The following PGBD5 variants were observed in gnomAD, a reference collection of about 807,000 sequenced individuals.
PGBD5 encodes piggyBac transposable element derived 5, also known as piggyBac transposable element-derived protein 5.
In PGBD5, 14 loss-of-function variants were observed where a neutral mutation model predicts 47.9. The ratio of observed to expected loss-of-function variants is 0.29; its 90% CI spans 0.19 to 0.46. PGBD5 has a LOEUF of 0.46. Ranked by LOEUF, PGBD5 falls within the 20% of genes least tolerant of loss-of-function variation. PGBD5 has a pLI of 1.00. For synonymous variants in PGBD5, 316 were observed against 306.3 expected (o/e 1.03, Z -0.33); for missense variants, 635 against 716.0 (o/e 0.89, Z 1.29).
At chr1:230,347,516 G>A (rs1275624082) in intron 3 of PGBD5, among the ~76,000 whole-genome samples, 5 of 68,262 alleles carry the variant, frequency 7.3e-5, no homozygotes, top group South Asian at 9.8e-4. Flanking sequence ...TTTCACTCTT[G>A]TTGCCCAGGC....
chr1:230,335,786 C>CAG (rs1241988231), intron 4 of PGBD5, among the ~76,000 whole-genome samples: 3 of 97,060 alleles, frequency 3.1e-5, no homozygotes, highest in East Asian at 3.4e-4. Flanking sequence ...CACACACACA[C>CAG]ACACAGGCAC....
intron 3 of PGBD5, among the ~76,000 whole-genome samples, chr1:230,340,855 C>T (rs538878613): frequency 2.2e-4 from 34 of 152,130 alleles, no homozygotes; most frequent in Non-Finnish European, 4.7e-4. Flanking sequence ...CGCAGGACTG[C>T]CTTGAAATTA....
chr1:230,361,880 G>A (rs1419093166), intron 1 of PGBD5, among the ~76,000 whole-genome samples: 1 of 152,234 alleles, frequency 6.6e-6, no homozygotes, highest in Non-Finnish European at 1.5e-5. Flanking sequence ...AAGGCTTCCT[G>A]GAGGCCTTGT....
intron 1 of PGBD5, chr1:230,368,214 C>G: frequency 7.6e-7 from 1 of 1,309,154 alleles, no homozygotes; most frequent in Non-Finnish European, 1.0e-6. Context: ...AAGCTGACCA[C>G]TGAAATATAC....
At chr1:230,422,742 G>A (rs1657680073) in intron 1 of PGBD5, among the ~76,000 whole-genome samples, 1 of 152,184 alleles carries the variant, frequency 6.6e-6, no homozygotes, top group Non-Finnish European at 1.5e-5. Flanking sequence ...CTGAAAAACA[G>A]AAGGAAAGGG....
chr1:230,370,235 C>T (rs1267352533), intron 1 of PGBD5, among the ~76,000 whole-genome samples: 2 of 152,172 alleles, frequency 1.3e-5, no homozygotes, highest in Non-Finnish European at 2.9e-5. Context: ...CTGGTCCCAT[C>T]GTGGCCTCCA....
intron 1 of PGBD5, among the ~76,000 whole-genome samples, chr1:230,389,611 G>A (rs1241345013): frequency 6.6e-6 from 1 of 152,204 alleles, no homozygotes; most frequent in Non-Finnish European, 1.5e-5. Context: ...GAGAAGCAGG[G>A]CTTTTCCATT....
intron 1 of PGBD5, among the ~76,000 whole-genome samples, chr1:230,366,687 G>A (rs1020997726): frequency 6.6e-6 from 1 of 152,088 alleles, no homozygotes; most frequent in African/African-American, 2.4e-5. Context: ...GACAGCCATG[G>A]TGTGGAATTC....
chr1:230,378,002 T>C (rs1380448012), intron 1 of PGBD5, among the ~76,000 whole-genome samples: 1 of 152,230 alleles, frequency 6.6e-6, no homozygotes, highest in East Asian at 1.9e-4. Context: ...CTCATTGAGA[T>C]CCCTTTCTGG....
At chr1:230,382,887 A>T (rs1010399411) in intron 1 of PGBD5, among the ~76,000 whole-genome samples, 1 of 152,060 alleles carries the variant, frequency 6.6e-6, no homozygotes, top group Non-Finnish European at 1.5e-5. Context: ...GGAATGTTCA[A>T]GGAGGGATCT....
At chr1:230,335,846 GAC>G (rs1414231300) in intron 4 of PGBD5, among the ~76,000 whole-genome samples, 6 of 99,778 alleles carry the variant, frequency 6.0e-5, no homozygotes, top group East Asian at 3.2e-4. Context: ...TACACACACA[GAC>G]ACACAGATAC....
intron 2 of PGBD5, among the ~76,000 whole-genome samples, chr1:230,353,738 C>A (rs17713580): frequency 0.026 from 3,993 of 152,306 alleles, 85 homozygotes; most frequent in South Asian, 0.066. Flanking sequence ...CAGGCAGAGA[C>A]AATGACCCTC....
chr1:230,421,603 A>G (rs1657649541), intron 1 of PGBD5, among the ~76,000 whole-genome samples: 1 of 152,230 alleles, frequency 6.6e-6, no homozygotes, highest in Non-Finnish European at 1.5e-5. Context: ...GAGGGTTAGC[A>G]GTAGCAGCTC....
In PGBD5 at chr1:230,408,572, CGATT is replaced by C. The variant is rs1273319723; in HGVS notation, c.331+17022_331+17025del. Among the ~76,000 whole-genome samples the C allele has an allele frequency of 5.9e-5, 9 of 152,130 alleles. No homozygotes were observed. The East Asian group carries it at 1.3e-3, about 23-fold the overall frequency. On this transcript the variant is annotated intron_variant, in intron 1 of 6. Coordinates refer to ENST00000391860, the MANE Select transcript of PGBD5 (RefSeq NM_001258311.2). Reference sequence around the variant, plus strand: ...ATTAAAATAGAAAATAAATTACAATCGATTGATTTTTGACCATAGGTGTCAAAAT... The same window carrying C: ...ATTAAAATAGAAAATAAATTACAATCGATTTTTGACCATAGGTGTCAAAAT...
chr1:230,376,621 G>A (rs1374936363), intron 1 of PGBD5, among the ~76,000 whole-genome samples: 4 of 152,062 alleles, frequency 2.6e-5, no homozygotes, highest in African/African-American at 9.7e-5. Context: ...TGAATGGTCC[G>A]CTCCTATCAC....
chr1:230,334,653 C>T (rs900343686), intron 4 of PGBD5, among the ~76,000 whole-genome samples: 3 of 152,162 alleles, frequency 2.0e-5, no homozygotes, highest in Non-Finnish European at 2.9e-5. Context: ...TGAGGAGGCA[C>T]GGTGCAGCCA....
chr1:230,417,525 T>C (rs1657544715), intron 1 of PGBD5, among the ~76,000 whole-genome samples: 1 of 152,250 alleles, frequency 6.6e-6, no homozygotes, highest in Admixed American at 6.5e-5. Flanking sequence ...TAGGGGCCAG[T>C]GCGACTGCCC....
At chr1:230,406,311 CAAAAAAAAAAA>C (rs67577027) in intron 1 of PGBD5, among the ~76,000 whole-genome samples, 3 of 54,644 alleles carry the variant, frequency 5.5e-5, no homozygotes, top group East Asian at 5.9e-4. Flanking sequence ...GACTCCGTCT[CAAAAAAAAAAA>C]AAAAAAAAAA....
chr1:230,353,717 A>T (rs1300718400), intron 2 of PGBD5, among the ~76,000 whole-genome samples: 1 of 152,164 alleles, frequency 6.6e-6, no homozygotes, highest in Non-Finnish European at 1.5e-5. Flanking sequence ...AACTGTTCCA[A>T]CTGGTGTCTG....
Sources: gnomAD v4.1 joint callset for allele counts (sites outside exome capture counted in the v4.1 genomes callset) on GRCh38, gnomAD v4.1.1 for gene constraint, MANE v1.5 for transcripts, NCBI Gene and HGNC (gene_info 2026-07-23, HGNC 2026-07-21) for gene names.